Variants in KPNA7 observed in about 807,000 individuals in gnomAD.
KPNA7 encodes karyopherin subunit alpha 7.
In KPNA7, 54 loss-of-function variants were observed where a neutral mutation model predicts 53.7. That is an observed-to-expected ratio of 1.01 (90% CI 0.81 to 1.26). The LOEUF is 1.26. Among genes scored for constraint, KPNA7 ranks in the 50% most tolerant of loss-of-function variants. KPNA7 has a pLI of 0.00. For synonymous variants in KPNA7, 276 were observed against 259.3 expected, an observed-to-expected ratio of 1.06 and a Z score of -0.62; for missense variants, 640 against 644.5, an observed-to-expected ratio of 0.99 and a Z score of 0.07.
intron 2 of KPNA7, among the ~76,000 whole-genome samples, chr7:99,203,696 T>TTA (rs1425021801): frequency 4.6e-5 from 7 of 151,952 alleles, no homozygotes; most frequent in South Asian, 2.1e-4. Flanking sequence ...TCCACTATAT[T>TTA]TATATATATA....
chr7:99,175,944 G>A (rs995578294), intron 10 of KPNA7, among the ~76,000 whole-genome samples: 1 of 152,140 alleles, frequency 6.6e-6, no homozygotes, highest in Non-Finnish European at 1.5e-5. Flanking sequence ...GTGTCACTCT[G>A]TAAACTCCTA....
chr7:99,207,694 G>C (rs908385446), intron 1 of KPNA7, among the ~76,000 whole-genome samples: 1 of 141,802 alleles, frequency 7.1e-6, no homozygotes. Context: ...TGAGTGCAGT[G>C]GGGGGATATC....
intron 6 of KPNA7, among the ~76,000 whole-genome samples, chr7:99,190,087 C>A (rs941376189): frequency 6.6e-6 from 1 of 151,852 alleles, no homozygotes; most frequent in African/African-American, 2.4e-5. Context: ...ACCTGTAACC[C>A]CAACACTTTG....
intron 2 of KPNA7, among the ~76,000 whole-genome samples, chr7:99,203,859 T>C (rs1052581948): frequency 6.6e-6 from 1 of 152,070 alleles, no homozygotes; most frequent in African/African-American, 2.4e-5. Context: ...TACAGGCATG[T>C]GTCACCACAC....
At chr7:99,163,616 G>C in the KPNA7 span, among the ~76,000 whole-genome samples, 1 of 151,194 alleles carries the variant, frequency 6.6e-6, no homozygotes, top group Non-Finnish European at 1.5e-5. Flanking sequence ...TGAACTCATG[G>C]CCTCAAGTGA....
downstream of KPNA7, among the ~76,000 whole-genome samples, chr7:99,173,276 C>T (rs541698094): frequency 3.2e-4 from 49 of 152,100 alleles, no homozygotes; most frequent in Middle Eastern, 3.4e-3. Flanking sequence ...CTGCAACCTC[C>T]GCCCTCCTGG....
chr7:99,207,367 C>T (rs2150778699), intron 2 of KPNA7, 34 bp downstream of exon 2: 1 of 1,541,182 alleles, frequency 6.5e-7, no homozygotes, highest in Admixed American at 2.0e-5. Flanking sequence ...TTGCACTGGT[C>T]CCCAATAGAA....
At chr7:99,166,242 T>C in the KPNA7 span, among the ~76,000 whole-genome samples, 4 of 152,222 alleles carry the variant, frequency 2.6e-5, no homozygotes, top group Admixed American at 6.5e-5. Context: ...CACATCAGCA[T>C]GCCCAGTTTA....
At chr7:99,207,570 T>A in intron 1 of KPNA7, 81 bp from the exon 2 acceptor site, 1 of 537,338 alleles carries the variant, frequency 1.9e-6, no homozygotes, top group Non-Finnish European at 3.5e-6. Context: ...CTCTAACCCT[T>A]AAAGGGCTCA....
chr7:99,160,268 C>T, the KPNA7 span, among the ~76,000 whole-genome samples: 3 of 151,930 alleles, frequency 2.0e-5, no homozygotes, highest in South Asian at 2.1e-4. Flanking sequence ...CCTCGTGATC[C>T]GCCCGCCTCG....
chr7:99,184,628 C>T (rs976831978), intron 8 of KPNA7, among the ~76,000 whole-genome samples: 4 of 152,186 alleles, frequency 2.6e-5, no homozygotes, highest in Non-Finnish European at 5.9e-5. Flanking sequence ...ATAGATGGCA[C>T]ATTCTTTCAC....
In KPNA7 at chr7:99,193,021, G is replaced by T; in HGVS notation, c.634C>A (p.Pro212Thr). 1 of 1,496,784 alleles carries T rather than the reference G, an allele frequency of 6.7e-7. No homozygotes were observed. The highest frequency in any genetic ancestry group is 8.9e-7 in the Non-Finnish European group (1 of 1,125,364). 92.7% of individuals were successfully genotyped at this position (1,496,784 alleles called of 1,614,324 possible). Residue 212 changes from proline (P) to threonine (T), a missense_variant and splice_region_variant, in exon 6 of 11, where the codon CCG (proline) becomes ACG (threonine). Physicochemically the swap from Pro to Thr is conservative, Grantham distance 38. Transcript: ENST00000327442. ...HLLALISPTL[P>T]ITFLRNITWT... Reference sequence around the variant, plus strand: ...AAGAGAAAGAAAAAGACACTTACCGGCAGGGTGGGTGAAATCAAGGCTAGG... The same window carrying T: ...AAGAGAAAGAAAAAGACACTTACCGTCAGGGTGGGTGAAATCAAGGCTAGG...
chr7:99,177,012 T>C (rs1798929928), intron 10 of KPNA7, among the ~76,000 whole-genome samples: 1 of 152,180 alleles, frequency 6.6e-6, no homozygotes, highest in Non-Finnish European at 1.5e-5. Context: ...ATATATATAA[T>C]GCAGCATATA....
At chr7:99,160,003 C>G in the KPNA7 span, among the ~76,000 whole-genome samples, 2 of 146,278 alleles carry the variant, frequency 1.4e-5, no homozygotes, top group East Asian at 4.1e-4. Flanking sequence ...TAGTGTTTCT[C>G]CTCTGTTGTT....
intron 2 of KPNA7, among the ~76,000 whole-genome samples, chr7:99,204,111 A>T (rs1332362770): frequency 3.3e-5 from 5 of 152,138 alleles, no homozygotes; most frequent in African/African-American, 9.7e-5. Context: ...TGGGCATGGT[A>T]TCTCGTGCCT....
intron 1 of KPNA7, among the ~76,000 whole-genome samples, chr7:99,217,875 C>T (rs1348172761): frequency 3.9e-5 from 6 of 152,202 alleles, no homozygotes; most frequent in African/African-American, 1.2e-4. Context: ...AAGCAACCCA[C>T]GCACCTCGGC....
intron 10 of KPNA7, among the ~76,000 whole-genome samples, chr7:99,176,772 G>A (rs1798923101): frequency 6.6e-6 from 1 of 152,114 alleles, no homozygotes; most frequent in South Asian, 2.1e-4. Flanking sequence ...CCAGCTACTT[G>A]GGAGCCTGAG....
At chr7:99,186,331 A>G (rs1377969029) in intron 7 of KPNA7, among the ~76,000 whole-genome samples, 2 of 152,320 alleles carry the variant, frequency 1.3e-5, no homozygotes, top group Non-Finnish European at 2.9e-5. Context: ...AGCCCCAGTA[A>G]AGCCCAGCAA....
At chr7:99,192,506 G>A (rs1450833530) in intron 6 of KPNA7, among the ~76,000 whole-genome samples, 2 of 152,228 alleles carry the variant, frequency 1.3e-5, no homozygotes, top group Admixed American at 6.5e-5. Flanking sequence ...TCCCTCTCCT[G>A]GGCTCAAGCA....
Sources: gnomAD v4.1 joint callset for allele counts (sites outside exome capture counted in the v4.1 genomes callset) on GRCh38, gnomAD v4.1.1 for gene constraint, MANE v1.5 for transcripts, NCBI Gene and HGNC (gene_info 2026-07-23, HGNC 2026-07-21) for gene names.